Variants in MGAT4C observed in about 807,000 individuals in gnomAD.
MGAT4C encodes alpha-1,3-mannosyl-glycoprotein 4-beta-N-acetylglucosaminyltransferase C.
Under a neutral mutation model 40.1 loss-of-function variants are expected in MGAT4C, and 19 were observed. That is an observed-to-expected ratio of 0.47 (90% CI 0.33 to 0.70). MGAT4C has a LOEUF of 0.70. Ranked by LOEUF, MGAT4C falls within the 30% of genes least tolerant of loss-of-function variation. The probability of loss-of-function intolerance (pLI) is 0.02; values close to 1 mark genes in which losing one functional copy is unlikely to be tolerated. For missense variants in MGAT4C, 491 were observed against 563.2 expected (o/e 0.87, Z 1.30); for synonymous variants, 181 against 187.1 (o/e 0.97, Z 0.27).
intron 1 of MGAT4C, among the ~76,000 whole-genome samples, chr12:86,773,942 C>CTTTT (rs1565980916): frequency 1.9e-5 from 2 of 106,522 alleles, no homozygotes; most frequent in South Asian, 6.1e-4. Flanking sequence ...TTTAAAGTAA[C>CTTTT]TTCTTTTTTT....
chr12:85,987,110 A>T (rs988537923), intron 3 of MGAT4C, among the ~76,000 whole-genome samples: 1 of 143,014 alleles, frequency 7.0e-6, no homozygotes, highest in Non-Finnish European at 1.5e-5. Context: ...GTATTTTAAA[A>T]TAATAATTTT....
rs1418710731 is a variant in MGAT4C at position 85,973,084 on chromosome 12, A to C, written c.*6205T>G. ...ACTTTTTAAATGTCTAGTTTCTAAT[A>C]GAGTTAGAGCTTTGTTGATTGAGAT... On this transcript the variant is annotated 3_prime_UTR_variant, in exon 5 of 5. Coordinates refer to ENST00000611864, the MANE Select transcript of MGAT4C (RefSeq NM_001351288.2). The C allele has an allele frequency of 6.6e-6, 1 of 150,462 alleles. No individual in the cohort carries two copies. Among genetic ancestry groups the C allele is most frequent in the Admixed American group, 6.6e-5 (1 of 15,046 alleles). 9.3% of individuals were successfully genotyped at this position (150,462 alleles called of 1,614,324 possible).
intron 2 of MGAT4C, among the ~76,000 whole-genome samples, chr12:86,608,960 T>A (rs896419490): frequency 6.6e-6 from 1 of 152,084 alleles, no homozygotes; most frequent in African/African-American, 2.4e-5. Flanking sequence ...GTTGAAACTC[T>A]TTTGAAGAAA....
At chr12:86,817,692 T>TA (rs1181427926) in intron 1 of MGAT4C, among the ~76,000 whole-genome samples, 4 of 151,622 alleles carry the variant, frequency 2.6e-5, no homozygotes, top group Non-Finnish European at 5.9e-5. Context: ...TGTCCATTTT[T>TA]ATCCTTGACA....
chr12:86,263,995 T>G (rs1952723364), intron 4 of MGAT4C, among the ~76,000 whole-genome samples: 1 of 152,212 alleles, frequency 6.6e-6, no homozygotes, highest in Admixed American at 6.5e-5. Flanking sequence ...TTAATGTATT[T>G]TGCCCACTTT....
intron 1 of MGAT4C, among the ~76,000 whole-genome samples, chr12:86,053,675 C>T (rs1360861952): frequency 1.3e-5 from 2 of 151,816 alleles, no homozygotes; most frequent in East Asian, 3.9e-4. Flanking sequence ...AAATTGTAAC[C>T]GTGTATCTCC....
At chr12:86,752,268 A>G (rs1190423288) in intron 1 of MGAT4C, among the ~76,000 whole-genome samples, 1 of 152,064 alleles carries the variant, frequency 6.6e-6, no homozygotes, top group Non-Finnish European at 1.5e-5. Context: ...AGTTAGTGAC[A>G]TTTAGTCTCA....
chr12:86,141,855 C>G (rs1882882691), intron 1 of MGAT4C, among the ~76,000 whole-genome samples: 1 of 152,106 alleles, frequency 6.6e-6, no homozygotes, highest in African/African-American at 2.4e-5. Context: ...GCTTCAGCGA[C>G]TGGAAATATC....
chr12:86,740,286 G>C (rs1951048148), intron 1 of MGAT4C, among the ~76,000 whole-genome samples: 1 of 150,972 alleles, frequency 6.6e-6, no homozygotes, highest in Non-Finnish European at 1.5e-5. Flanking sequence ...TTCAAAAGTT[G>C]TAAAAATAAT....
Position 85,971,022 on chromosome 12 carries a change from G to C in MGAT4C, c.*8267C>G, listed in dbSNP as rs924374161. The C allele has an allele frequency of 1.3e-5, 2 of 150,884 alleles. No individual in the cohort carries two copies. The highest frequency in any genetic ancestry group is 1.3e-4 in the Admixed American group (2 of 15,092). 9.3% of individuals were successfully genotyped at this position (150,884 alleles called of 1,614,324 possible). A position where few individuals can be genotyped will look rare whatever the true frequency, so the allele number is the denominator to read the frequency against. The stretch of plus-strand genomic sequence containing the variant: ...TACCTTGTAAAATTTCATATTATGA[G>C]AGCAATATGTAAATTTCATTGCAAC... On this transcript the variant is annotated 3_prime_UTR_variant, in exon 5 of 5. Transcript: ENST00000611864.
intron 2 of MGAT4C, among the ~76,000 whole-genome samples, chr12:86,660,936 C>T (rs1159782154): frequency 6.6e-6 from 1 of 152,164 alleles, no homozygotes; most frequent in Admixed American, 6.5e-5. Flanking sequence ...GCAACATCAT[C>T]TCAATAAATC....
chr12:86,760,191 C>A (rs1051561979), intron 1 of MGAT4C, among the ~76,000 whole-genome samples: 1 of 152,092 alleles, frequency 6.6e-6, no homozygotes, highest in East Asian at 1.9e-4. Context: ...CTTCAAAAAA[C>A]GGTGCTGGGA....
rs1276352441 is a variant in MGAT4C, at chr12:86,803,686, C to T, written c.-262+34980G>A. Among the ~76,000 whole-genome samples the T allele has an allele frequency of 2.4e-4, 36 of 150,974 alleles. No individual in the cohort carries two copies. In the South Asian group the frequency reaches 3.4e-3, roughly 14 times the overall value. ...AAAAATGCTCATCATCACTGGCCAT[C>T]GGAGAAATGCAAATCAAAACCACTA... is the stretch of plus-strand genomic sequence containing the variant. On this transcript the variant is annotated intron_variant, in intron 1 of 7. Coordinates refer to the MGAT4C transcript ENST00000548651.
intron 4 of MGAT4C, among the ~76,000 whole-genome samples, chr12:86,331,777 T>G (rs1036044171): frequency 2.6e-5 from 4 of 152,140 alleles, no homozygotes; most frequent in Admixed American, 6.6e-5. Flanking sequence ...TTACGAAAGA[T>G]AGAACTATTT....
rs536877794 is a variant in MGAT4C, at chr12:86,574,592, TTAAA to T, written c.-228-139331_-228-139328del. Among the ~76,000 whole-genome samples the T allele has an allele frequency of 4.6e-4, 70 of 151,894 alleles. 1 individual carries two copies. Among genetic ancestry groups the T allele is most frequent in the African/African-American group, 1.7e-3 (69 of 41,526 alleles). On this transcript the variant is annotated intron_variant, in intron 2 of 7. Transcript: ENST00000548651. ...GTGATGTTCATATATGGATGCATGATTAAATATTGTATAATATTTAATAATCTAG... is the reference window on the plus strand; with the variant it reads ...GTGATGTTCATATATGGATGCATGATTATTGTATAATATTTAATAATCTAG...
At chr12:86,803,919 T>G (rs1175596195) in intron 1 of MGAT4C, among the ~76,000 whole-genome samples, 4 of 147,804 alleles carry the variant, frequency 2.7e-5, no homozygotes, top group Non-Finnish European at 6.0e-5. Flanking sequence ...TTACTGGGTA[T>G]ATACCCAAAT....
chr12:86,372,142 T>C (rs1217594288), intron 3 of MGAT4C, among the ~76,000 whole-genome samples: 1 of 151,964 alleles, frequency 6.6e-6, no homozygotes, highest in Admixed American at 6.6e-5. Flanking sequence ...TATTGGATGT[T>C]TGCATAGCTA....
At chr12:86,191,934 G>A (rs1402494440) in intron 1 of MGAT4C, among the ~76,000 whole-genome samples, 1 of 150,704 alleles carries the variant, frequency 6.6e-6, no homozygotes, top group East Asian at 2.0e-4. Flanking sequence ...GTGAGTTCAT[G>A]TCTTTTGTAG....
intron 2 of MGAT4C, among the ~76,000 whole-genome samples, chr12:86,641,288 A>C (rs567178279): frequency 6.6e-6 from 1 of 151,482 alleles, no homozygotes; most frequent in African/African-American, 2.4e-5. Flanking sequence ...CAAACACCAC[A>C]TATTCTCACT....
Sources: gnomAD v4.1 joint callset for allele counts (sites outside exome capture counted in the v4.1 genomes callset) on GRCh38, gnomAD v4.1.1 for gene constraint, MANE v1.5 for transcripts, NCBI Gene and HGNC (gene_info 2026-07-23, HGNC 2026-07-21) for gene names.